Variants in PPP1R12B observed in about 807,000 individuals in gnomAD.
PPP1R12B encodes the protein protein phosphatase 1 regulatory subunit 12B.
In PPP1R12B, 76 loss-of-function variants were observed where a neutral mutation model predicts 126.1. The ratio of observed to expected loss-of-function variants is 0.60; its 90% CI spans 0.50 to 0.73. The LOEUF (loss-of-function observed/expected upper bound fraction) is 0.73, where lower values mean the gene tolerates loss of function less well. Ranked by LOEUF, PPP1R12B falls within the 30% of genes least tolerant of loss-of-function variation. The pLI, the probability that PPP1R12B is intolerant of heterozygous loss-of-function variation, is 0.00. For missense variants in PPP1R12B, 1,052 were observed against 1,205.1 expected, an observed-to-expected ratio of 0.87 and a Z score of 1.88; for synonymous variants, 356 against 434.7, an observed-to-expected ratio of 0.82 and a Z score of 2.25.
intron 13 of PPP1R12B, among the ~76,000 whole-genome samples, chr1:202,466,126 A>G (rs754603498): frequency 2.6e-5 from 4 of 152,098 alleles, no homozygotes; most frequent in Non-Finnish European, 4.4e-5. Context: ...TAGGGTTACC[A>G]TGTCTCACTC....
intron 20 of PPP1R12B, among the ~76,000 whole-genome samples, chr1:202,564,057 C>A (rs1241888934): frequency 2.6e-5 from 4 of 152,178 alleles, no homozygotes; most frequent in Non-Finnish European, 5.9e-5. Flanking sequence ...AAGACCCTGT[C>A]TCCAAAGGGA....
intron 1 of PPP1R12B, among the ~76,000 whole-genome samples, chr1:202,384,003 T>C (rs1662747771): frequency 6.6e-6 from 1 of 152,196 alleles, no homozygotes; most frequent in Non-Finnish European, 1.5e-5. Context: ...CAAAGTGATA[T>C]TACTTCACAC....
chr1:202,502,763 GAA>G (rs1231642848), intron 18 of PPP1R12B: 1 of 152,480 alleles, frequency 6.6e-6, no homozygotes, highest in Non-Finnish European at 1.5e-5. Context: ...GCCTTACTGA[GAA>G]AATATGATTT....
At chr1:202,352,052 T>G (rs1390145337) in intron 1 of PPP1R12B, among the ~76,000 whole-genome samples, 1 of 152,230 alleles carries the variant, frequency 6.6e-6, no homozygotes, top group African/African-American at 2.4e-5. Flanking sequence ...TGGAAACTGA[T>G]GCAGACTAAA....
At chr1:202,507,740 C>T (rs1680979777) in intron 18 of PPP1R12B, among the ~76,000 whole-genome samples, 1 of 152,178 alleles carries the variant, frequency 6.6e-6, no homozygotes, top group South Asian at 2.1e-4. Context: ...TCAAAGTAGT[C>T]CTATGATGGC....
intron 9 of PPP1R12B, among the ~76,000 whole-genome samples, chr1:202,435,043 G>A (rs143595222): frequency 1.2e-4 from 19 of 152,036 alleles, no homozygotes; most frequent in African/African-American, 4.6e-4. Context: ...CCACCTTCTC[G>A]CCATGTCCTA....
rs1331459660 is a variant in PPP1R12B at position 202,585,111 on chromosome 1, C to T, written c.*4551C>T. The stretch of plus-strand genomic sequence containing the variant: ...TCCCAGGCTCAAGGGATCCTCTCAC[C>T]TCAGCTCCCGAGCAGCTAGGACTGC... On this transcript the variant is annotated 3_prime_UTR_variant, in exon 24 of 24. Transcript: ENST00000608999. The T allele has an allele frequency of 6.6e-6, 1 of 152,430 alleles. No individual in the cohort carries two copies. Among genetic ancestry groups the T allele is most frequent in the South Asian group, 2.1e-4 (1 of 4,838 alleles). 9.4% of individuals were successfully genotyped at this position (152,430 alleles called of 1,614,324 possible).
intron 13 of PPP1R12B, among the ~76,000 whole-genome samples, chr1:202,485,521 C>T (rs982222004): frequency 4.6e-5 from 7 of 152,094 alleles, no homozygotes; most frequent in African/African-American, 1.7e-4. Flanking sequence ...AGGGACTCTC[C>T]TATAGCAAGA....
intron 23 of PPP1R12B, among the ~76,000 whole-genome samples, chr1:202,579,573 A>G (rs959998622): frequency 6.6e-6 from 1 of 152,262 alleles, no homozygotes; most frequent in African/African-American, 2.4e-5. Flanking sequence ...TGATCATGTA[A>G]CAAAGACTTG....
At chr1:202,484,494 G>A (rs560467634) in intron 13 of PPP1R12B, among the ~76,000 whole-genome samples, 16 of 152,192 alleles carry the variant, frequency 1.1e-4, no homozygotes, top group Non-Finnish European at 1.6e-4. Context: ...TTAAACCTTC[G>A]TACTAGAGGA....
chr1:202,360,832 T>C (rs2148406625), intron 1 of PPP1R12B, among the ~76,000 whole-genome samples: 1 of 152,228 alleles, frequency 6.6e-6, no homozygotes, highest in African/African-American at 2.4e-5. Flanking sequence ...GTAAATATTT[T>C]CCGTGATTGG....
intron 1 of PPP1R12B, among the ~76,000 whole-genome samples, chr1:202,375,193 C>T (rs192083907): frequency 6.6e-6 from 1 of 152,258 alleles, no homozygotes; most frequent in African/African-American, 2.4e-5. Context: ...ATCTGCCTGC[C>T]TCGGCCTCCC....
At chr1:202,438,103 A>C in intron 10 of PPP1R12B, 79 bp downstream of exon 10, 2 of 1,598,628 alleles carry the variant, frequency 1.3e-6, no homozygotes, top group Non-Finnish European at 1.7e-6. Flanking sequence ...AACAAATGAA[A>C]ATATTTTCTA....
chr1:202,469,135 G>A (rs1675487808), intron 13 of PPP1R12B, among the ~76,000 whole-genome samples: 1 of 152,182 alleles, frequency 6.6e-6, no homozygotes, highest in East Asian at 1.9e-4. Context: ...TTGTTTTAGA[G>A]TACCTAATAA....
intron 1 of PPP1R12B, among the ~76,000 whole-genome samples, chr1:202,401,862 G>C (rs2148563860): frequency 6.6e-6 from 1 of 152,270 alleles, no homozygotes; most frequent in East Asian, 1.9e-4. Flanking sequence ...GTTTGGGCTT[G>C]AGGACACTCT....
At chr1:202,373,902 A>G (rs1302475513) in intron 1 of PPP1R12B, among the ~76,000 whole-genome samples, 1 of 147,642 alleles carries the variant, frequency 6.8e-6, no homozygotes, top group Admixed American at 6.6e-5. Context: ...TCAAGAAATA[A>G]AATATTATTT....
chr1:202,494,639 G>GAGGTTGC (rs2148854712), intron 15 of PPP1R12B, among the ~76,000 whole-genome samples: 1 of 147,504 alleles, frequency 6.8e-6, no homozygotes, highest in South Asian at 2.1e-4. Flanking sequence ...CCAGGAGGCA[G>GAGGTTGC]AGGTTGCAGT....
At chr1:202,548,819 T>G (rs1685992221) in intron 18 of PPP1R12B, among the ~76,000 whole-genome samples, 1 of 138,394 alleles carries the variant, frequency 7.2e-6, no homozygotes, top group Non-Finnish European at 1.6e-5. Flanking sequence ...TATATATATA[T>G]ATATATATAT....
intron 23 of PPP1R12B, among the ~76,000 whole-genome samples, chr1:202,578,672 G>C (rs890323427): frequency 1.4e-4 from 22 of 152,188 alleles, no homozygotes; most frequent in Admixed American, 3.3e-4. Flanking sequence ...AGTGATTGTA[G>C]GAACACTCAG....
Sources: gnomAD v4.1 joint callset for allele counts (sites outside exome capture counted in the v4.1 genomes callset) on GRCh38, gnomAD v4.1.1 for gene constraint, MANE v1.5 for transcripts, NCBI Gene and HGNC (gene_info 2026-07-23, HGNC 2026-07-21) for gene names.